The following ATP8A1 variants were observed in gnomAD, a reference collection of about 807,000 sequenced individuals.
ATP8A1 encodes phospholipid-transporting ATPase IA.
ATP8A1 carries 90 observed loss-of-function variants against 177.7 expected under a neutral mutation model. The observed-to-expected ratio is 0.51, with a 90% confidence interval of 0.43 to 0.60. The LOEUF (loss-of-function observed/expected upper bound fraction) is 0.60. Ranked by LOEUF, ATP8A1 falls within the 20% of genes least tolerant of loss-of-function variation. The pLI is 0.00. For missense variants in ATP8A1, 1,072 were observed against 1,392.8 expected (o/e 0.77, Z 3.67); for synonymous variants, 493 against 485.9 (o/e 1.01, Z -0.19).
intron 33 of ATP8A1, among the ~76,000 whole-genome samples, chr4:42,426,766 T>C (rs1714668986): frequency 6.6e-6 from 1 of 152,256 alleles, no homozygotes. Context: ...ATAAATTTTA[T>C]GATGTTCATC....
intron 23 of ATP8A1, among the ~76,000 whole-genome samples, chr4:42,504,304 G>A (rs1578065661): frequency 6.6e-6 from 1 of 152,216 alleles, no homozygotes; most frequent in East Asian, 1.9e-4. Flanking sequence ...TAGGAAGTAG[G>A]CATTTCCATC....
intron 15 of ATP8A1, 170 bp from the exon 16 acceptor site, chr4:42,556,210 A>G (rs377526955): frequency 4.5e-6 from 2 of 440,990 alleles, no homozygotes; most frequent in East Asian, 7.1e-5. Context: ...ATTGTATCAC[A>G]AAATATATTC....
intron 33 of ATP8A1, among the ~76,000 whole-genome samples, chr4:42,428,173 C>T (rs1299539060): frequency 6.6e-6 from 1 of 152,216 alleles, no homozygotes; most frequent in East Asian, 1.9e-4. Flanking sequence ...CAAACACCCT[C>T]CCTGGAAGGG....
At chr4:42,652,343 C>T (rs1362282218) in intron 1 of ATP8A1, among the ~76,000 whole-genome samples, 1 of 152,160 alleles carries the variant, frequency 6.6e-6, no homozygotes, top group Non-Finnish European at 1.5e-5. Context: ...ATTTACTCAA[C>T]TAAATCTTCA....
At chr4:42,611,031 C>T (rs1736314549) in intron 5 of ATP8A1, among the ~76,000 whole-genome samples, 1 of 152,218 alleles carries the variant, frequency 6.6e-6, no homozygotes, top group Non-Finnish European at 1.5e-5. Context: ...CAGATGAACT[C>T]CGCCTTGTTG....
chr4:42,506,405 G>A (rs1166419176), intron 23 of ATP8A1, among the ~76,000 whole-genome samples: 1 of 152,134 alleles, frequency 6.6e-6, no homozygotes, highest in Non-Finnish European at 1.5e-5. Flanking sequence ...CCTTAACCTT[G>A]GGCTTCTCAG....
At chr4:42,614,729 C>A (rs188840191) in intron 5 of ATP8A1, among the ~76,000 whole-genome samples, 17 of 152,270 alleles carry the variant, frequency 1.1e-4, no homozygotes, top group Admixed American at 1.0e-3. Flanking sequence ...ATTTTGTTTC[C>A]CTCTGATGTG....
At chr4:42,416,162 G>A (rs1258749065) in intron 35 of ATP8A1, among the ~76,000 whole-genome samples, 1 of 152,178 alleles carries the variant, frequency 6.6e-6, no homozygotes, top group East Asian at 1.9e-4. Flanking sequence ...TAGCATTACA[G>A]ACCCATGGAC....
At chr4:42,547,946 T>TCTGTGAAGTGTC (rs1409665127) in intron 19 of ATP8A1, among the ~76,000 whole-genome samples, 1 of 152,210 alleles carries the variant, frequency 6.6e-6, no homozygotes, top group Admixed American at 6.5e-5. Flanking sequence ...TGGCCTTAAT[T>TCTGTGAAGTGTC]CTGTGAAGTG....
At chr4:42,426,111 C>A (rs141422700) in intron 33 of ATP8A1, among the ~76,000 whole-genome samples, 64 of 152,308 alleles carry the variant, frequency 4.2e-4, no homozygotes, top group African/African-American at 1.4e-3. Context: ...GGGAACAAAC[C>A]TTTGAGAAAA....
intron 1 of ATP8A1, among the ~76,000 whole-genome samples, chr4:42,635,734 C>T (rs1285679639): frequency 7.0e-6 from 1 of 142,518 alleles, no homozygotes; most frequent in African/African-American, 2.6e-5. Context: ...TATATACATA[C>T]ACACATATAT....
intron 27 of ATP8A1, among the ~76,000 whole-genome samples, chr4:42,464,082 T>C (rs1010865838): frequency 1.3e-5 from 2 of 152,210 alleles, no homozygotes; most frequent in African/African-American, 2.4e-5. Flanking sequence ...TTGCTTTCTT[T>C]TGCATGTTTT....
At chr4:42,458,812 A>C (rs1462439221) in intron 27 of ATP8A1, among the ~76,000 whole-genome samples, 7 of 152,252 alleles carry the variant, frequency 4.6e-5, no homozygotes, top group Admixed American at 3.9e-4. Context: ...GTGGCAGCTA[A>C]AGCTTCACAT....
intron 15 of ATP8A1, among the ~76,000 whole-genome samples, chr4:42,568,551 C>CA (rs1731581930): frequency 6.6e-6 from 1 of 151,992 alleles, no homozygotes; most frequent in South Asian, 2.1e-4. Context: ...GTAAAACCAA[C>CA]AAAAAACTCA....
chr4:42,506,091 G>A (rs1177100675), intron 23 of ATP8A1, among the ~76,000 whole-genome samples: 2 of 152,128 alleles, frequency 1.3e-5, no homozygotes, highest in African/African-American at 4.8e-5. Flanking sequence ...TTTGGACATA[G>A]TCTTTAAGGA....
At chr4:42,439,102 G>T (rs1014238998) in intron 33 of ATP8A1, among the ~76,000 whole-genome samples, 4 of 152,160 alleles carry the variant, frequency 2.6e-5, no homozygotes, top group Non-Finnish European at 5.9e-5. Context: ...ATAGAAGCAT[G>T]AGACCTGTAC....
chr4:42,507,802 A>AC (rs1281742802), intron 22 of ATP8A1, among the ~76,000 whole-genome samples: 3 of 147,484 alleles, frequency 2.0e-5, no homozygotes, highest in East Asian at 2.0e-4. Flanking sequence ...AAAAAAAAAA[A>AC]AAAAAAACAT....
chr4:42,482,069 G>A (rs1451035270), intron 25 of ATP8A1, among the ~76,000 whole-genome samples: 1 of 152,146 alleles, frequency 6.6e-6, no homozygotes, highest in Non-Finnish European at 1.5e-5. Flanking sequence ...TTGGGAGGCC[G>A]AGTGTGTGGA....
intron 5 of ATP8A1, among the ~76,000 whole-genome samples, chr4:42,615,151 A>G (rs1415745388): frequency 6.6e-6 from 1 of 152,230 alleles, no homozygotes; most frequent in East Asian, 1.9e-4. Context: ...ATGTTCCATA[A>G]TAAAATACTC....
Sources: allele counts gnomAD v4.1 joint callset (sites outside exome capture counted in the v4.1 genomes callset), GRCh38; gene constraint gnomAD v4.1.1; transcripts MANE v1.5; gene names NCBI Gene and HGNC (gene_info 2026-07-23, HGNC 2026-07-21).